The following RIMBP2 variants were observed in gnomAD, a reference collection of about 807,000 sequenced individuals.
RIMBP2 encodes the protein RIMS-binding protein 2.
A neutral mutation model predicts 118.6 loss-of-function variants in RIMBP2; 48 were observed. The observed-to-expected ratio is 0.40, with a 90% CI of 0.32 to 0.51. The LOEUF (loss-of-function observed/expected upper bound fraction) is 0.51. Ranked by LOEUF, RIMBP2 falls within the 20% of genes least tolerant of loss-of-function variation. RIMBP2 has a pLI of 0.41. For synonymous variants in RIMBP2, 762 were observed against 742.9 expected (o/e 1.03, Z -0.42); for missense variants, 1,551 against 1,768.3 (o/e 0.88, Z 2.20).
chr12:130,407,914 G>T, intron 19 of RIMBP2, 85 bp from the exon 20 acceptor site: 2 of 1,201,916 alleles, frequency 1.7e-6, no homozygotes, highest in Non-Finnish European at 1.2e-6. Context: ...GTCACACATG[G>T]CCAATACAGC....
intron 3 of RIMBP2, among the ~76,000 whole-genome samples, chr12:130,510,251 A>G (rs1328034590): frequency 6.6e-6 from 1 of 152,232 alleles, no homozygotes; most frequent in African/African-American, 2.4e-5. Flanking sequence ...TAGAGCTAGA[A>G]GGGAGCTAAA....
chr12:130,474,640 T>A (rs1262774120), intron 5 of RIMBP2, among the ~76,000 whole-genome samples: 1 of 152,150 alleles, frequency 6.6e-6, no homozygotes, highest in Non-Finnish European at 1.5e-5. Flanking sequence ...ATGAACCAGT[T>A]CTGCAACAAC....
intron 2 of RIMBP2, among the ~76,000 whole-genome samples, chr12:130,590,240 A>T (rs1176829174): frequency 6.6e-6 from 1 of 152,198 alleles, no homozygotes; most frequent in African/African-American, 2.4e-5. Context: ...GCAGAAATCC[A>T]CATGGAGGAA....
intron 1 of RIMBP2, among the ~76,000 whole-genome samples, chr12:130,651,124 C>T (rs2063216991): frequency 6.6e-6 from 1 of 152,140 alleles, no homozygotes; most frequent in African/African-American, 2.4e-5. Flanking sequence ...CTTCTTAAAG[C>T]ATCTCTACCT....
At chr12:130,514,507 AC>A (rs1227036265) in intron 3 of RIMBP2, among the ~76,000 whole-genome samples, 1 of 151,988 alleles carries the variant, frequency 6.6e-6, no homozygotes, top group African/African-American at 2.4e-5. Context: ...CAGCTCCAGC[AC>A]CCCCATCCCC....
rs2080794880 is a variant in RIMBP2, at chr12:130,469,287, A to G, written c.153+1406T>C. 6.6e-6 allele frequency: 1 copy of G among 152,390 alleles called. No homozygotes were observed. Among genetic ancestry groups the G allele is most frequent in the Admixed American group, 6.5e-5 (1 of 15,272 alleles). The allele number at this position is 152,390 out of a possible 1,614,324, so 9.4% of individuals were successfully genotyped here. On this transcript the variant is annotated intron_variant, in intron 6 of 22. Coordinates refer to ENST00000690449, the MANE Select transcript of RIMBP2 (RefSeq NM_001393629.1). This position sits in a 1 kb window ranked among gnomAD's most constrained non-coding sequence, Gnocchi z 4.8. ...CAAAGCACGCTGCGTTGCGACCGTCACCACATTTGAAAGCATGCACCACCA... is the reference window on the plus strand; with the variant it reads ...CAAAGCACGCTGCGTTGCGACCGTCGCCACATTTGAAAGCATGCACCACCA...
chr12:130,519,286 C>T lies in RIMBP2; in HGVS notation c.-216-1369G>A, dbSNP rs1395003231. Among the ~76,000 whole-genome samples the T allele has an allele frequency of 2.0e-5, 3 of 152,216 alleles. No individual in the cohort carries two copies. The East Asian group carries it at 5.8e-4, about 29-fold the overall frequency. On this transcript the variant is annotated intron_variant, in intron 2 of 22. Coordinates refer to ENST00000690449, the MANE Select transcript of RIMBP2 (RefSeq NM_001393629.1). ...GCTCCTCCTGGCCATTTTCAGCTTC[C>T]ATTTTTCAGTCAACCTTCCTTTTTT...
In RIMBP2 at chr12:130,623,637, G is replaced by C. The variant is rs1294471110; in HGVS notation, c.-217+4685C>G. 6.6e-6 allele frequency among the ~76,000 whole-genome samples: 1 copy of C among 152,102 alleles called. No individual in the cohort carries two copies. Among genetic ancestry groups the C allele is most frequent in the African/African-American group, 2.4e-5 (1 of 41,432 alleles). Reference sequence around the variant, plus strand: ...ATAAGCTGCCTCCCATAACCTCTTAGCGCTCAACTCCATGCACACCAAGCT... The same window carrying C: ...ATAAGCTGCCTCCCATAACCTCTTACCGCTCAACTCCATGCACACCAAGCT... On this transcript the variant is annotated intron_variant, in intron 2 of 22. Transcript: ENST00000690449. The surrounding 1 kb of genome is among the most constrained non-coding windows in gnomAD (Gnocchi z 4.1).
At chr12:130,631,745 C>T (rs1281086623) in intron 1 of RIMBP2, among the ~76,000 whole-genome samples, 2 of 151,746 alleles carry the variant, frequency 1.3e-5, no homozygotes, top group Non-Finnish European at 2.9e-5. Context: ...AAGAAGAAAC[C>T]ACTAAAAGTA....
At chr12:130,535,839 T>C (rs2054030442) in intron 2 of RIMBP2, among the ~76,000 whole-genome samples, 1 of 150,488 alleles carries the variant, frequency 6.6e-6, no homozygotes. Context: ...AGTGCAGTGG[T>C]ACAATTTCAG....
At chr12:130,480,287 A>G (rs545622684) in intron 4 of RIMBP2, among the ~76,000 whole-genome samples, 1 of 152,014 alleles carries the variant, frequency 6.6e-6, no homozygotes, top group African/African-American at 2.4e-5. Context: ...TTTATATAAA[A>G]GACCAGATTC....
chr12:130,644,924 C>G (rs1010610513), intron 1 of RIMBP2, among the ~76,000 whole-genome samples: 1 of 152,200 alleles, frequency 6.6e-6, no homozygotes, highest in Non-Finnish European at 1.5e-5. Context: ...CTGCCAGCGG[C>G]AATGACCAAG....
At chr12:130,649,537 C>G (rs1594142820) in intron 1 of RIMBP2, among the ~76,000 whole-genome samples, 1 of 152,210 alleles carries the variant, frequency 6.6e-6, no homozygotes, top group African/African-American at 2.4e-5. Flanking sequence ...GAAGTGGCTT[C>G]CCACAGCCGT....
Position 130,527,045 on chromosome 12 carries a change from C to G in RIMBP2, c.-216-9128G>C, listed in dbSNP as rs144321572. Among the ~76,000 whole-genome samples the G allele has an allele frequency of 3.2e-3, 492 of 152,174 alleles. 4 individuals carry two copies. Among genetic ancestry groups the G allele is most frequent in the South Asian group, 8.5e-3 (41 of 4,804 alleles). Reference sequence around the variant, plus strand: ...CCTGATGGTCACTGAGCCCTACTCCCGCCCGCCCCTTGAGGTTAAGGCCGA... The same window carrying G: ...CCTGATGGTCACTGAGCCCTACTCCGGCCCGCCCCTTGAGGTTAAGGCCGA... On this transcript the variant is annotated intron_variant, in intron 2 of 22. Coordinates refer to ENST00000690449, the MANE Select transcript of RIMBP2 (RefSeq NM_001393629.1).
At chr12:130,572,217 G>T (rs995342415) in intron 2 of RIMBP2, among the ~76,000 whole-genome samples, 1 of 84,932 alleles carries the variant, frequency 1.2e-5, no homozygotes, top group Non-Finnish European at 3.4e-5. Flanking sequence ...ACCCACAGAC[G>T]TGTTAGGAGG....
At chr12:130,650,976 AG>A (rs1475361437) in intron 1 of RIMBP2, among the ~76,000 whole-genome samples, 12 of 148,950 alleles carry the variant, frequency 8.1e-5, no homozygotes, top group African/African-American at 2.5e-4. Context: ...AAAAAAAAAA[AG>A]AAAGAAAAGA....
At position 130,412,526 on chromosome 12, in the gene RIMBP2, T is replaced by G. The variant is rs987770831; in HGVS notation, c.3589+93A>C. The stretch of plus-strand genomic sequence containing the variant: ...CTTTGGCATATTTAAATGATGCAAT[T>G]TGGGGTCTCCTCATCACCGCCTGCC... On this transcript the variant is annotated intron_variant, in intron 19 of 22. Transcript: ENST00000690449. 34 of 1,161,646 alleles carry G rather than the reference T, an allele frequency of 2.9e-5. No homozygotes were observed. In the African/African-American group the frequency reaches 4.8e-4, roughly 16 times the overall value. The allele number at this position is 1,161,646 out of a possible 1,614,324, so 72.0% of individuals were successfully genotyped here.
rs1186697132 is a variant in RIMBP2 at position 130,469,732 on chromosome 12, C to T, written c.153+961G>A. ...AGCCCGTTTTAAGTGGCTGCTGCTC[C>T]CCCAGGGACACAGGACAAGGTCATT... is the stretch of plus-strand genomic sequence containing the variant. On this transcript the variant is annotated intron_variant, in intron 6 of 22. Transcript: ENST00000690449. The surrounding 1 kb of genome is among the most constrained non-coding windows in gnomAD (Gnocchi z 4.8). Among the ~76,000 whole-genome samples the T allele has an allele frequency of 6.6e-6, 1 of 152,164 alleles. No individual in the cohort carries two copies. The highest frequency in any genetic ancestry group is 1.9e-4 in the East Asian group (1 of 5,194).
At chr12:130,692,880 GTAGGGTAGGGTAGGATAGGA>G (rs2065385241) in intron 1 of RIMBP2, among the ~76,000 whole-genome samples, 1 of 87,196 alleles carries the variant, frequency 1.1e-5, no homozygotes, top group Non-Finnish European at 2.2e-5. Context: ...GTAGGGTAGG[GTAGGGTAGGGTAGGATAGGA>G]TAGGGTAGGG....
Sources: allele counts gnomAD v4.1 joint callset (sites outside exome capture counted in the v4.1 genomes callset), GRCh38; gene constraint gnomAD v4.1.1; non-coding constraint Gnocchi (gnomAD v3.1); transcripts MANE v1.5; gene names NCBI Gene and HGNC (gene_info 2026-07-23, HGNC 2026-07-21).